The following RBM24 variants were observed in gnomAD, a reference collection of about 807,000 sequenced individuals.
RBM24 encodes RNA binding motif protein 24.
Under a neutral mutation model 23.6 loss-of-function variants are expected in RBM24, and 5 were observed. The observed-to-expected ratio is 0.21, with a 90% CI of 0.11 to 0.45. The LOEUF is 0.45. Ranked by LOEUF, RBM24 falls within the 20% of genes least tolerant of loss-of-function variation. The pLI, the probability that RBM24 is intolerant of heterozygous loss-of-function variation, is 0.99. For missense variants in RBM24, 252 were observed against 314.6 expected (o/e 0.80, Z 1.51); for synonymous variants, 151 against 129.5 (o/e 1.17, Z -1.13).
intron 1 of RBM24, chr6:17,282,057 A>G (rs1760034590): frequency 7.9e-7 from 1 of 1,266,392 alleles, no homozygotes; most frequent in Non-Finnish European, 1.0e-6. Context: ...AGGGGCCGCA[A>G]CCCTGAACAA....
chr6:17,289,461 T>A lies in RBM24; in HGVS notation c.348-2295T>A, dbSNP rs1423723509. The A allele has an allele frequency of 5.1e-6, 5 of 985,364 alleles. No homozygotes were observed. In the Admixed American group the frequency reaches 2.5e-4, roughly 48 times the overall value. The allele number at this position is 985,364 out of a possible 1,614,324, so 61.0% of individuals were successfully genotyped here. A position where few individuals can be genotyped will look rare whatever the true frequency, so the allele number is the denominator to read the frequency against. ...TTCTTTATATTCTCATTGTTTGACA[T>A]TGTGAAATCAAAACTATTTCCTAAT... On this transcript the variant is annotated intron_variant, in intron 3 of 3. Coordinates refer to ENST00000379052, the MANE Select transcript of RBM24 (RefSeq NM_001143942.2).
intron 1 of RBM24, chr6:17,282,047 AG>A: frequency 7.8e-7 from 1 of 1,274,618 alleles, no homozygotes; most frequent in South Asian, 1.5e-5. Context: ...GTTGCGAGGG[AG>A]GGGCCGCAAC....
intron 3 of RBM24, chr6:17,288,475 A>T (rs911866416): frequency 1.0e-6 from 1 of 984,372 alleles, no homozygotes; most frequent in Admixed American, 6.1e-5. Context: ...TTTAATGCAC[A>T]GCAATCCAGG....
chr6:17,281,448 C>T lies in RBM24; in HGVS notation c.-134C>T, dbSNP rs1037020968. Reference sequence around the variant, plus strand: ...CCGCTCGCCCCCGCCGCGCCGCCGCCCTCGCCCCCGGGCTCGCCCTTGGCC... The same window carrying T: ...CCGCTCGCCCCCGCCGCGCCGCCGCTCTCGCCCCCGGGCTCGCCCTTGGCC... On this transcript the variant is annotated 5_prime_UTR_variant, in exon 1 of 4. Transcript: ENST00000379052. This position sits in a 1 kb window ranked among gnomAD's most constrained non-coding sequence, Gnocchi z 7.1. 1.3e-5 allele frequency: 8 copies of T among 603,844 alleles called. No homozygotes were observed. In the African/African-American group the frequency reaches 1.6e-4, roughly 12 times the overall value. 37.4% of individuals were successfully genotyped at this position (603,844 alleles called of 1,614,324 possible).
intron 3 of RBM24, chr6:17,289,221 G>T (rs541106388): frequency 2.7e-5 from 27 of 985,406 alleles, no homozygotes; most frequent in East Asian, 1.1e-4. Flanking sequence ...CTATTAAAAA[G>T]AACTCCTAAT....
At chr6:17,283,201 T>G (rs1760083585) in intron 2 of RBM24, 3 of 385,648 alleles carry the variant, frequency 7.8e-6, no homozygotes, top group Non-Finnish European at 1.4e-5. Context: ...ATGGCATACA[T>G]TTGTAGTCTG....
chr6:17,289,074 T>C, intron 3 of RBM24: 1 of 985,454 alleles, frequency 1.0e-6, no homozygotes. Flanking sequence ...AAATTTTCTT[T>C]GAAAATTACC....
intron 3 of RBM24, among the ~76,000 whole-genome samples, chr6:17,291,191 A>G (rs1482660499): frequency 6.6e-6 from 1 of 152,202 alleles, no homozygotes; most frequent in Non-Finnish European, 1.5e-5. Context: ...CAGAGAGATT[A>G]ATGTGTGCTG....
intron 3 of RBM24, chr6:17,290,879 C>T: frequency 2.3e-6 from 3 of 1,289,610 alleles, no homozygotes; most frequent in Non-Finnish European, 3.0e-6. Flanking sequence ...CCTCAGGTGC[C>T]TGATAGTCAA....
chr6:17,290,603 A>AT (rs1247904310), intron 3 of RBM24, among the ~76,000 whole-genome samples: 9 of 152,204 alleles, frequency 5.9e-5, no homozygotes, highest in Admixed American at 5.2e-4. Context: ...ATAACACATG[A>AT]TTATACAATT....
chr6:17,292,685 C>T lies in RBM24; in HGVS notation c.*566C>T, dbSNP rs899463599. ...GGGCATCGAACAATCAATCTAGGAGCGTGGCAGTGGGTAAAATGGTGGACA... is the reference window on the plus strand; with the variant it reads ...GGGCATCGAACAATCAATCTAGGAGTGTGGCAGTGGGTAAAATGGTGGACA... On this transcript the variant is annotated 3_prime_UTR_variant, in exon 4 of 4. Transcript: ENST00000379052. The T allele has an allele frequency of 6.6e-6, 1 of 152,616 alleles. No individual in the cohort carries two copies. The allele number at this position is 152,616 out of a possible 1,614,324, so 9.5% of individuals were successfully genotyped here.
intron 2 of RBM24, 24 bp downstream of exon 2, chr6:17,282,952 C>A (rs755119905): frequency 1.3e-6 from 2 of 1,546,730 alleles, no homozygotes; most frequent in Non-Finnish European, 1.8e-6. Flanking sequence ...GTCTCCCCTA[C>A]CCCCCTCTCC....
chr6:17,291,793 C>G lies in RBM24; in HGVS notation c.385C>G (p.Gln129Glu). 1 of 1,613,564 alleles carries G rather than the reference C, an allele frequency of 6.2e-7. No individual in the cohort carries two copies. Among genetic ancestry groups the G allele is most frequent in the Non-Finnish European group, 8.5e-7 (1 of 1,179,760 alleles). ...AHYVYPQAFV[Q>E]PGVVIPHVQP... is the part of the protein sequence containing the mutation. ...CTATGTCTATCCGCAGGCTTTTGTG[C>G]AGCCGGGAGTGGTCATTCCACACGT... The change falls in exon 4 of 4, where the codon CAG becomes GAG. Residue 129 changes from glutamine to glutamate, a missense_variant. Coordinates refer to ENST00000379052, the MANE Select transcript of RBM24 (RefSeq NM_001143942.2).
chr6:17,283,913 A>G (rs1186483192), intron 2 of RBM24, among the ~76,000 whole-genome samples: 1 of 152,218 alleles, frequency 6.6e-6, no homozygotes, highest in Admixed American at 6.5e-5. Context: ...TACCTCTTGG[A>G]TTATTTACAA....
intron 2 of RBM24, 67 bp downstream of exon 2, chr6:17,282,995 C>T (rs1760076804): frequency 8.8e-7 from 1 of 1,135,682 alleles, no homozygotes; most frequent in Non-Finnish European, 1.3e-6. Flanking sequence ...GGATGATTCT[C>T]TAATTTAGAA....
At chr6:17,290,077 G>A (rs1312393796) in intron 3 of RBM24, 1 of 1,289,258 alleles carries the variant, frequency 7.8e-7, no homozygotes, top group Admixed American at 2.3e-5. Context: ...TGGTAAAATT[G>A]AGTGTATTTT....
Position 17,292,091 on chromosome 6 carries a change from A to G in RBM24, c.683A>G (p.Gln228Arg). The G allele has an allele frequency of 6.4e-7, 1 of 1,565,382 alleles. No homozygotes were observed. Among genetic ancestry groups the G allele is most frequent in the Non-Finnish European group, 8.6e-7 (1 of 1,158,886 alleles). Reference sequence around the variant, plus strand: ...GCAGCATTTGGCCAGTACCAGCCTCAGCAGCTGCAGACAGACCGAATGCAA... The same window carrying G: ...GCAGCATTTGGCCAGTACCAGCCTCGGCAGCTGCAGACAGACCGAATGCAA... ...AAAAFGQYQP[Q>R]QLQTDRMQ Residue 228 changes from glutamine (Q) to arginine (R), a missense_variant, in exon 4 of 4, where the codon CAG becomes CGG. Coordinates refer to ENST00000379052, the MANE Select transcript of RBM24 (RefSeq NM_001143942.2).
intron 1 of RBM24, chr6:17,282,432 C>T: frequency 2.0e-6 from 1 of 509,100 alleles, no homozygotes; most frequent in Non-Finnish European, 3.7e-6. Flanking sequence ...CAAACGGTGC[C>T]TCTGAGGCTG....
At chr6:17,285,598 T>C (rs1005035134) in intron 3 of RBM24, among the ~76,000 whole-genome samples, 1 of 152,258 alleles carries the variant, frequency 6.6e-6, no homozygotes, top group African/African-American at 2.4e-5. Flanking sequence ...TTGCAATGTG[T>C]ATCCACTTTT....
Sources: allele counts gnomAD v4.1 joint callset (sites outside exome capture counted in the v4.1 genomes callset), GRCh38; gene constraint gnomAD v4.1.1; non-coding constraint Gnocchi (gnomAD v3.1); transcripts MANE v1.5; gene names NCBI Gene and HGNC (gene_info 2026-07-23, HGNC 2026-07-21).